The following NAALADL2 variants were observed in gnomAD, a reference collection of about 807,000 sequenced individuals.
The protein encoded by NAALADL2 is N-acetylated alpha-linked acidic dipeptidase like 2.
A neutral mutation model predicts 87.2 loss-of-function variants in NAALADL2; 76 were observed. That is an observed-to-expected ratio of 0.87 (90% CI 0.72 to 1.05). The LOEUF (loss-of-function observed/expected upper bound fraction) is 1.05. Among genes scored for constraint, NAALADL2 ranks in the 50% least tolerant of loss-of-function variants. The pLI is 0.00. For missense variants in NAALADL2, 1,089 were observed against 945.8 expected, an observed-to-expected ratio of 1.15 and a Z score of -1.99; for synonymous variants, 354 against 331.0, an observed-to-expected ratio of 1.07 and a Z score of -0.75.
chr3:175,792,187 T>A (rs144687436), intron 13 of NAALADL2, among the ~76,000 whole-genome samples: 1 of 152,334 alleles, frequency 6.6e-6, no homozygotes, highest in Non-Finnish European at 1.5e-5. Context: ...GAATAAACTG[T>A]GAGGAAATTT....
rs575454261 is a variant in NAALADL2 at position 175,669,470 on chromosome 3, T to C, written c.1896+42084T>C. Among the ~76,000 whole-genome samples, 4 of 152,212 alleles carry C rather than the reference T, an allele frequency of 2.6e-5. No individual in the cohort carries two copies. The South Asian group carries it at 6.2e-4, about 24-fold the overall frequency. On this transcript the variant is annotated intron_variant, in intron 11 of 13. Transcript: ENST00000454872. Reference sequence around the variant, plus strand: ...CATCTTTATTCATTGAAGAAAAAATTTGTTTTCAAATTGTTAATCAAATGA... The same window carrying C: ...CATCTTTATTCATTGAAGAAAAAATCTGTTTTCAAATTGTTAATCAAATGA...
intron 1 of NAALADL2, among the ~76,000 whole-genome samples, chr3:174,948,577 A>G (rs1012844692): frequency 1.1e-4 from 16 of 152,154 alleles, no homozygotes; most frequent in African/African-American, 3.4e-4. Context: ...CAATCTTCCT[A>G]AAACTGAGTG....
chr3:175,240,604 G>A (rs1746674867), intron 3 of NAALADL2, among the ~76,000 whole-genome samples: 1 of 152,166 alleles, frequency 6.6e-6, no homozygotes, highest in Non-Finnish European at 1.5e-5. Flanking sequence ...ATGGTAAGAT[G>A]AAGCTACTGT....
At chr3:175,416,753 A>T (rs1376870238) in intron 5 of NAALADL2, among the ~76,000 whole-genome samples, 2 of 152,152 alleles carry the variant, frequency 1.3e-5, no homozygotes, top group African/African-American at 4.8e-5. Flanking sequence ...TTTGCATTAC[A>T]TAATTTTCTA....
intron 2 of NAALADL2, among the ~76,000 whole-genome samples, chr3:174,624,722 C>T (rs1159113306): frequency 6.6e-6 from 1 of 151,844 alleles, no homozygotes; most frequent in Non-Finnish European, 1.5e-5. Context: ...ATTTAGATTG[C>T]AAGCTCTAAA....
intron 2 of NAALADL2, among the ~76,000 whole-genome samples, chr3:175,127,428 G>T (rs1330057722): frequency 6.6e-6 from 1 of 152,060 alleles, no homozygotes; most frequent in Admixed American, 6.6e-5. Flanking sequence ...GACTGACATG[G>T]GACACCTTTG....
At chr3:174,714,401 A>G (rs1374686213) in intron 2 of NAALADL2, among the ~76,000 whole-genome samples, 1 of 152,016 alleles carries the variant, frequency 6.6e-6, no homozygotes, top group African/African-American at 2.4e-5. Flanking sequence ...CAGTATGGCC[A>G]TTTTCATGAT....
chr3:175,527,806 A>G (rs1733610749), intron 9 of NAALADL2, among the ~76,000 whole-genome samples: 1 of 152,222 alleles, frequency 6.6e-6, no homozygotes, highest in South Asian at 2.1e-4. Flanking sequence ...TTATACATGC[A>G]TATTTGTTAT....
chr3:175,241,507 C>G (rs1280602242), intron 3 of NAALADL2, among the ~76,000 whole-genome samples: 4 of 152,182 alleles, frequency 2.6e-5, no homozygotes, highest in Admixed American at 6.5e-5. Flanking sequence ...AGGTGTGAGC[C>G]ACTGTACTCA....
chr3:175,696,698 G>T (rs1304543249), intron 11 of NAALADL2, among the ~76,000 whole-genome samples: 2 of 152,120 alleles, frequency 1.3e-5, no homozygotes, highest in Non-Finnish European at 2.9e-5. Context: ...ACGACTTACT[G>T]TCTTAATTTT....
intron 2 of NAALADL2, among the ~76,000 whole-genome samples, chr3:174,709,859 A>G (rs1200468835): frequency 6.6e-6 from 1 of 152,296 alleles, no homozygotes; most frequent in South Asian, 2.1e-4. Context: ...GGAGGGCCGT[A>G]TAGTGGAAAT....
At chr3:175,306,375 A>T (rs987984168) in intron 4 of NAALADL2, among the ~76,000 whole-genome samples, 7 of 152,172 alleles carry the variant, frequency 4.6e-5, no homozygotes, top group Non-Finnish European at 8.8e-5. Flanking sequence ...ACTTAGATAA[A>T]ACTACTACCG....
At chr3:174,916,242 G>T (rs111918877) in intron 1 of NAALADL2, among the ~76,000 whole-genome samples, 47 of 151,978 alleles carry the variant, frequency 3.1e-4, no homozygotes, top group Non-Finnish European at 5.9e-4. Flanking sequence ...GTGGTGAAAA[G>T]GGAACACATT....
intron 1 of NAALADL2, among the ~76,000 whole-genome samples, chr3:174,458,816 G>A (rs1716015194): frequency 6.6e-6 from 1 of 152,120 alleles, no homozygotes; most frequent in Admixed American, 6.5e-5. Context: ...AATGAATAAG[G>A]CTGATTGCAA....
intron 10 of NAALADL2, among the ~76,000 whole-genome samples, chr3:175,600,337 A>G (rs989942647): frequency 7.2e-5 from 11 of 151,992 alleles, no homozygotes; most frequent in African/African-American, 2.2e-4. Flanking sequence ...ATCTTATTGC[A>G]TAGCAGATGT....
At chr3:174,687,753 C>A (rs1189746301) in intron 2 of NAALADL2, among the ~76,000 whole-genome samples, 1 of 152,010 alleles carries the variant, frequency 6.6e-6, no homozygotes, top group African/African-American at 2.4e-5. Flanking sequence ...TTGTAATAAT[C>A]CTCATGTGTC....
intron 1 of NAALADL2, among the ~76,000 whole-genome samples, chr3:174,928,288 G>A (rs2108398655): frequency 6.6e-6 from 1 of 152,152 alleles, no homozygotes; most frequent in South Asian, 2.1e-4. Context: ...TCTCACCCAG[G>A]CTGGAATGCA....
At chr3:175,216,644 ATTTTTTTTCTT>A (rs1449648656) in intron 2 of NAALADL2, among the ~76,000 whole-genome samples, 4 of 132,038 alleles carry the variant, frequency 3.0e-5, no homozygotes, top group South Asian at 2.4e-4. Flanking sequence ...TTGACAAGCA[ATTTTTTTTCTT>A]TTTTTTTCTT....
intron 3 of NAALADL2, among the ~76,000 whole-genome samples, chr3:174,767,246 TATCAG>T (rs766694214): frequency 1.3e-5 from 2 of 152,214 alleles, no homozygotes; most frequent in Non-Finnish European, 2.9e-5. Context: ...TAATAAATGA[TATCAG>T]AGCAGATTAG....
Sources: allele counts gnomAD v4.1 joint callset (sites outside exome capture counted in the v4.1 genomes callset), GRCh38; gene constraint gnomAD v4.1.1; transcripts MANE v1.5; gene names NCBI Gene and HGNC (gene_info 2026-07-23, HGNC 2026-07-21).